The following MARCHF1 variants were observed in gnomAD, a reference collection of about 807,000 sequenced individuals.
MARCHF1 encodes E3 ubiquitin-protein ligase MARCHF1.
In MARCHF1, 40 loss-of-function variants were observed where a neutral mutation model predicts 54.2. The observed-to-expected ratio is 0.74, with a 90% CI of 0.57 to 0.96. MARCHF1 has a LOEUF of 0.96. Ranked by LOEUF, MARCHF1 falls within the 40% of genes least tolerant of loss-of-function variation. The pLI, the probability that MARCHF1 is intolerant of heterozygous loss-of-function variation, is 0.00. For missense variants in MARCHF1, 586 were observed against 656.5 expected (o/e 0.89, Z 1.17); for synonymous variants, 236 against 236.3 (o/e 1.00, Z 0.01).
chr4:163,747,291 T>C (rs1430976290), intron 4 of MARCHF1, among the ~76,000 whole-genome samples: 1 of 152,180 alleles, frequency 6.6e-6, no homozygotes, highest in Non-Finnish European at 1.5e-5. Flanking sequence ...AAGCTGAGAA[T>C]TTATTGTAAA....
intron 4 of MARCHF1, among the ~76,000 whole-genome samples, chr4:163,757,000 A>G (rs1746696990): frequency 6.6e-6 from 1 of 152,226 alleles, no homozygotes; most frequent in Non-Finnish European, 1.5e-5. Context: ...TGGGCTGCCC[A>G]TCTTTGTTGT....
chr4:164,152,685 G>T (rs1475158421), intron 1 of MARCHF1, among the ~76,000 whole-genome samples: 1 of 151,906 alleles, frequency 6.6e-6, no homozygotes, highest in Non-Finnish European at 1.5e-5. Context: ...ACCCTTTCAA[G>T]TTCGATAAAA....
intron 2 of MARCHF1, 44 bp downstream of exon 2, chr4:164,111,544 G>T (rs541330342): frequency 6.6e-6 from 1 of 151,706 alleles, no homozygotes; most frequent in African/African-American, 2.4e-5. Flanking sequence ...GCCATGGAAA[G>T]TCTTCTTTAT....
At chr4:163,888,906 T>C (rs1438984277) in intron 3 of MARCHF1, among the ~76,000 whole-genome samples, 1 of 152,166 alleles carries the variant, frequency 6.6e-6, no homozygotes, top group African/African-American at 2.4e-5. Context: ...CTTTACTAGA[T>C]GCTGAGGATT....
rs566906228 is a variant in MARCHF1 at position 164,032,025 on chromosome 4, A to G, written c.-247-43316T>C. On this transcript the variant is annotated intron_variant, in intron 2 of 9. Coordinates refer to ENST00000514618, the MANE Select transcript of MARCHF1 (RefSeq NM_001394959.1). ...TAATTTCAGAACTTTTTATTGGACT[A>G]TTCAGGAATTCAACTGCTTCCTTGT... is the stretch of plus-strand genomic sequence containing the variant. 1.1e-4 allele frequency among the ~76,000 whole-genome samples: 16 copies of G among 152,288 alleles called. No individual in the cohort carries two copies. In the South Asian group the frequency reaches 3.3e-3, roughly 32 times the overall value.
At chr4:163,764,477 A>C (rs1746919842) in intron 4 of MARCHF1, among the ~76,000 whole-genome samples, 1 of 152,132 alleles carries the variant, frequency 6.6e-6, no homozygotes, top group Non-Finnish European at 1.5e-5. Flanking sequence ...TCTTTGGAGA[A>C]ATAGTGACAT....
chr4:164,362,887 G>C (rs1262333034), intron 1 of MARCHF1, among the ~76,000 whole-genome samples: 6 of 151,742 alleles, frequency 4.0e-5, no homozygotes, highest in African/African-American at 1.5e-4. Flanking sequence ...TCTTTCAATT[G>C]TTTTTCTGGA....
At chr4:163,588,634 C>T (rs963742725) in intron 7 of MARCHF1, among the ~76,000 whole-genome samples, 1 of 152,054 alleles carries the variant, frequency 6.6e-6, no homozygotes, top group East Asian at 1.9e-4. Context: ...AAACTAACAC[C>T]CAATTCTGTT....
At chr4:163,922,406 T>C (rs1751451649) in intron 3 of MARCHF1, among the ~76,000 whole-genome samples, 1 of 152,152 alleles carries the variant, frequency 6.6e-6, no homozygotes, top group South Asian at 2.1e-4. Context: ...TCATGTTAGA[T>C]CAATTTTCTG....
intron 1 of MARCHF1, among the ~76,000 whole-genome samples, chr4:164,230,814 CTAT>C (rs1344061190): frequency 6.6e-6 from 1 of 151,828 alleles, no homozygotes; most frequent in Non-Finnish European, 1.5e-5. Flanking sequence ...CTACATGTTA[CTAT>C]TATTATTATT....
intron 3 of MARCHF1, among the ~76,000 whole-genome samples, chr4:163,934,518 C>A (rs557935141): frequency 6.9e-5 from 10 of 143,998 alleles, no homozygotes; most frequent in Admixed American, 2.8e-4. Flanking sequence ...ATGATCATGC[C>A]ATGGCACTCC....
At chr4:164,021,170 G>T (rs1753655476) in intron 2 of MARCHF1, among the ~76,000 whole-genome samples, 1 of 151,298 alleles carries the variant, frequency 6.6e-6, no homozygotes, top group Non-Finnish European at 1.5e-5. Context: ...CAAAAGCCAG[G>T]TAAATTGAGG....
chr4:163,756,511 T>G (rs1303100826), intron 4 of MARCHF1, among the ~76,000 whole-genome samples: 2 of 151,304 alleles, frequency 1.3e-5, no homozygotes. Flanking sequence ...CACGTGCCTG[T>G]AGTCCCAGCT....
chr4:164,091,464 A>G (rs1362448287), intron 2 of MARCHF1, among the ~76,000 whole-genome samples: 1 of 147,322 alleles, frequency 6.8e-6, no homozygotes, highest in Non-Finnish European at 1.5e-5. Flanking sequence ...AATATGTACA[A>G]TGTGTGCACT....
intron 3 of MARCHF1, among the ~76,000 whole-genome samples, chr4:163,940,177 T>C (rs1182911650): frequency 6.6e-6 from 1 of 152,148 alleles, no homozygotes; most frequent in Non-Finnish European, 1.5e-5. Flanking sequence ...TGTCTTGATT[T>C]GAAATTTCCA....
chr4:164,085,439 T>A (rs961040593), intron 2 of MARCHF1, among the ~76,000 whole-genome samples: 1 of 151,822 alleles, frequency 6.6e-6, no homozygotes, highest in East Asian at 1.9e-4. Flanking sequence ...TTCTTCACTA[T>A]ATAAAGTGCC....
intron 4 of MARCHF1, among the ~76,000 whole-genome samples, chr4:163,721,241 G>A (rs192807614): frequency 1.2e-3 from 188 of 152,250 alleles, no homozygotes; most frequent in African/African-American, 2.3e-3. Context: ...AGCATGAAGG[G>A]TTGTTGAATT....
At chr4:163,892,471 G>A (rs894795237) in intron 3 of MARCHF1, among the ~76,000 whole-genome samples, 1 of 151,890 alleles carries the variant, frequency 6.6e-6, no homozygotes, top group South Asian at 2.1e-4. Flanking sequence ...GCTTGAGTTA[G>A]AGAGAGACAA....
At chr4:163,726,699 C>A (rs1481456759) in intron 4 of MARCHF1, among the ~76,000 whole-genome samples, 1 of 152,216 alleles carries the variant, frequency 6.6e-6, no homozygotes, top group Non-Finnish European at 1.5e-5. Context: ...TCTAAATTGG[C>A]AGTTCCATTT....
Sources: gnomAD v4.1 joint callset for allele counts (sites outside exome capture counted in the v4.1 genomes callset) on GRCh38, gnomAD v4.1.1 for gene constraint, MANE v1.5 for transcripts, NCBI Gene and HGNC (gene_info 2026-07-23, HGNC 2026-07-21) for gene names.